The following GNAL variants were observed in gnomAD, a reference collection of about 807,000 sequenced individuals.
The protein encoded by GNAL is G protein subunit alpha L, also known as guanine nucleotide-binding protein G(olf) subunit alpha.
Under a neutral mutation model 55.1 loss-of-function variants are expected in GNAL, and 18 were observed. That is an observed-to-expected ratio of 0.33 (90% CI 0.23 to 0.48). GNAL has a LOEUF of 0.48. Ranked by LOEUF, GNAL falls within the 20% of genes least tolerant of loss-of-function variation. The pLI, the probability that GNAL is intolerant of heterozygous loss-of-function variation, is 0.99. For missense variants in GNAL, 412 were observed against 614.1 expected (o/e 0.67, Z 3.48); for synonymous variants, 253 against 237.0 (o/e 1.07, Z -0.62).
chr18:11,761,856 C>A (rs1300687278), intron 4 of GNAL, among the ~76,000 whole-genome samples: 2 of 152,224 alleles, frequency 1.3e-5, no homozygotes, highest in African/African-American at 4.8e-5. Flanking sequence ...AAGGCATGTT[C>A]TCTGGTTTTT....
chr18:11,856,109 C>T (rs1841085719), intron 5 of GNAL, among the ~76,000 whole-genome samples: 1 of 151,470 alleles, frequency 6.6e-6, no homozygotes, highest in Non-Finnish European at 1.5e-5. Flanking sequence ...ACAACATCCT[C>T]TTGGCAATTC....
intron 5 of GNAL, among the ~76,000 whole-genome samples, chr18:11,861,963 T>TACACACACACACCC (rs1555615373): frequency 1.4e-5 from 2 of 148,060 alleles, no homozygotes; most frequent in Non-Finnish European, 3.0e-5. Flanking sequence ...CACGCAGTCA[T>TACACACACACACCC]ACACACACAC....
At chr18:11,693,698 A>G (rs557584994) in intron 1 of GNAL, among the ~76,000 whole-genome samples, 43 of 150,176 alleles carry the variant, frequency 2.9e-4, no homozygotes, top group Admixed American at 1.5e-3. Context: ...CATTGGGTTC[A>G]GAGACCTCAG....
In GNAL at chr18:11,733,285, C is replaced by G. The variant is rs548454606; in HGVS notation, c.377-19568C>G. 1.4e-3 allele frequency among the ~76,000 whole-genome samples: 214 copies of G among 152,362 alleles called. 1 individual carries two copies. The highest frequency in any genetic ancestry group is 5.0e-3 in the African/African-American group (206 of 41,584). On this transcript the variant is annotated intron_variant, in intron 1 of 11. Coordinates refer to ENST00000334049, the MANE Select transcript of GNAL (RefSeq NM_182978.4). ...GGGACAGCTGTCATGTGTGAAGCTC[C>G]TGCTATATAAAAGGGTGAGCTGTTT...
At chr18:11,847,523 T>A (rs2035766265) in intron 5 of GNAL, among the ~76,000 whole-genome samples, 1 of 152,004 alleles carries the variant, frequency 6.6e-6, no homozygotes, top group Non-Finnish European at 1.5e-5. Context: ...AGGAAAGAAA[T>A]CAGCCAGATG....
At chr18:11,827,767 C>G (rs532297495) in intron 5 of GNAL, among the ~76,000 whole-genome samples, 1 of 151,976 alleles carries the variant, frequency 6.6e-6, no homozygotes, top group African/African-American at 2.4e-5. Context: ...GTCAGGAGAT[C>G]GAGACCATCC....
Position 11,867,213 on chromosome 18 carries a change from C to T in GNAL, c.897C>T (p.Ile299=), listed in dbSNP as rs754744460. Residue 299 remains isoleucine, a synonymous_variant, in exon 8 of 12, where the codon ATC becomes ATT. Coordinates refer to ENST00000334049, the MANE Select transcript of GNAL (RefSeq NM_182978.4). ...AGAGGGATGAGAGGAGAAAATGGATCCAGTGCTTTAACGGTGATTTTTTTA... is the reference window on the plus strand; with the variant it reads ...AGAGGGATGAGAGGAGAAAATGGATTCAGTGCTTTAACGGTGATTTTTTTA... The part of the protein sequence containing the change: ...GGQRDERRKW[I]QCFNDVTAII... The T allele has an allele frequency of 5.2e-5, 83 of 1,605,220 alleles. No homozygotes were observed. The highest frequency in any genetic ancestry group is 5.3e-5 in the Non-Finnish European group (62 of 1,172,170).
chr18:11,832,707 A>C (rs1408323988), intron 5 of GNAL, among the ~76,000 whole-genome samples: 1 of 151,962 alleles, frequency 6.6e-6, no homozygotes, highest in African/African-American at 2.4e-5. Flanking sequence ...AAATTGCAGA[A>C]ATTAGCCGGG....
intron 5 of GNAL, among the ~76,000 whole-genome samples, chr18:11,838,726 G>A (rs1163269768): frequency 6.6e-6 from 1 of 152,172 alleles, no homozygotes; most frequent in South Asian, 2.1e-4. Flanking sequence ...AGAGGATGCG[G>A]TATGAGATCC....
Position 11,881,145 on chromosome 18 carries a change from C to T in GNAL, c.*10C>T, listed in dbSNP as rs920900028. ...GTATGAGCTCTTGTGAGGATGCTGC[C>T]GCCACCCTGCGACGGAGCGGCGCCC... On this transcript the variant is annotated 3_prime_UTR_variant, in exon 12 of 12. Coordinates refer to ENST00000334049, the MANE Select transcript of GNAL (RefSeq NM_182978.4). The surrounding 1 kb of genome is among the most constrained non-coding windows in gnomAD (Gnocchi z 4.8). The T allele has an allele frequency of 3.8e-6, 6 of 1,598,102 alleles. No individual in the cohort carries two copies. The highest frequency in any genetic ancestry group is 2.7e-5 in the African/African-American group (2 of 74,718).
At position 11,884,226 on chromosome 18, in the gene GNAL, T is replaced by C; in HGVS notation, c.*3091T>C. 1.9e-6 allele frequency: 1 copy of C among 534,158 alleles called. No homozygotes were observed. Among genetic ancestry groups the C allele is most frequent in the Non-Finnish European group, 3.4e-6 (1 of 298,412 alleles). The allele number at this position is 534,158 out of a possible 1,614,324, so 33.1% of individuals were successfully genotyped here. On this transcript the variant is annotated 3_prime_UTR_variant, in exon 12 of 12. Transcript: ENST00000334049. Reference sequence around the variant, plus strand: ...TGATGATACATATATTTGATAAAAATGAGAAAACAGATTTGTTGTAGAGTA... The same window carrying C: ...TGATGATACATATATTTGATAAAAACGAGAAAACAGATTTGTTGTAGAGTA...
intron 5 of GNAL, among the ~76,000 whole-genome samples, chr18:11,837,921 C>T (rs1209753136): frequency 2.0e-5 from 3 of 152,176 alleles, no homozygotes; most frequent in Non-Finnish European, 4.4e-5. Context: ...GAGTGGATCA[C>T]TTGAGCTCAG....
At chr18:11,764,168 A>G (rs2033333051) in intron 4 of GNAL, among the ~76,000 whole-genome samples, 1 of 152,056 alleles carries the variant, frequency 6.6e-6, no homozygotes, top group Non-Finnish European at 1.5e-5. Flanking sequence ...GCAGTGGCAC[A>G]AGCTCGGCTC....
rs992430988 is a variant in GNAL, at chr18:11,751,157, C to A, written c.377-1696C>A. On this transcript the variant is annotated intron_variant, in intron 1 of 11. Transcript: ENST00000334049. This position sits in a 1 kb window ranked among gnomAD's most constrained non-coding sequence, Gnocchi z 4.5. ...ACGGTCAACTGGGAGCCGCCACACACAAGGAACAGTGATTTCTCCACGCCC... is the reference window on the plus strand; with the variant it reads ...ACGGTCAACTGGGAGCCGCCACACAAAAGGAACAGTGATTTCTCCACGCCC... 6.6e-6 allele frequency among the ~76,000 whole-genome samples: 1 copy of A among 152,298 alleles called. No individual in the cohort carries two copies. The highest frequency in any genetic ancestry group is 6.5e-5 in the Admixed American group (1 of 15,306).
At chr18:11,769,062 TTATAA>T (rs2033540621) in intron 4 of GNAL, among the ~76,000 whole-genome samples, 2 of 91,152 alleles carry the variant, frequency 2.2e-5, no homozygotes, top group Admixed American at 2.6e-4. Flanking sequence ...ATAATATATA[TTATAA>T]TATAGATTAT....
rs569310825 is a variant in GNAL at position 11,761,293 on chromosome 18, G to A, written c.624+7348G>A. Among the ~76,000 whole-genome samples the A allele has an allele frequency of 2.6e-3, 395 of 152,252 alleles. 2 individuals are homozygous for A. Among genetic ancestry groups the A allele is most frequent in the African/African-American group, 9.0e-3 (372 of 41,538 alleles). ...CACTTCACAGCCCTCCTGGGAGAAG[G>A]CACCCCTAGTTTTCCCCAAAGGAAG... On this transcript the variant is annotated intron_variant, in intron 4 of 11. Coordinates refer to ENST00000334049, the MANE Select transcript of GNAL (RefSeq NM_182978.4).
chr18:11,790,981 T>TGTTGATTGAA (rs2034219366), intron 4 of GNAL, among the ~76,000 whole-genome samples: 1 of 65,346 alleles, frequency 1.5e-5, no homozygotes, highest in Non-Finnish European at 4.5e-5. Flanking sequence ...CAATCAAAAC[T>TGTTGATTGAA]ATTCCAATAC....
At position 11,710,440 on chromosome 18, in the gene GNAL, A is replaced by T. The variant is rs7236520; in HGVS notation, c.376+20501A>T. Reference sequence around the variant, plus strand: ...TTAAGTTAGAATTAAAATTATTTACATATCAACATTACAGTATTCTATGTT... The same window carrying T: ...TTAAGTTAGAATTAAAATTATTTACTTATCAACATTACAGTATTCTATGTT... On this transcript the variant is annotated intron_variant, in intron 1 of 11. Transcript: ENST00000334049. Among the ~76,000 whole-genome samples, 936 of 152,328 alleles carry T rather than the reference A, an allele frequency of 6.1e-3. 4 individuals carry two copies. Among genetic ancestry groups the T allele is most frequent in the African/African-American group, 0.021 (876 of 41,584 alleles).
intron 1 of GNAL, among the ~76,000 whole-genome samples, chr18:11,700,792 T>C (rs555572490): frequency 6.6e-6 from 1 of 152,382 alleles, no homozygotes; most frequent in African/African-American, 2.4e-5. Flanking sequence ...TGTGTTCTTC[T>C]GTAGTTGAAA....
Sources: gnomAD v4.1 joint callset for allele counts (sites outside exome capture counted in the v4.1 genomes callset) on GRCh38, gnomAD v4.1.1 for gene constraint, Gnocchi (gnomAD v3.1) non-coding constraint, MANE v1.5 for transcripts, NCBI Gene and HGNC (gene_info 2026-07-23, HGNC 2026-07-21) for gene names.